PLPP4: variants seen among roughly 807,000 people sequenced by gnomAD.
The protein encoded by PLPP4 is phospholipid phosphatase 4.
Under a neutral mutation model 32.2 loss-of-function variants are expected in PLPP4, and 20 were observed. The observed-to-expected ratio is 0.62, with a 90% CI of 0.44 to 0.90. The LOEUF (loss-of-function observed/expected upper bound fraction) is 0.90, where lower values mean the gene tolerates loss of function less well. Among genes scored for constraint, PLPP4 ranks in the 40% least tolerant of loss-of-function variants. The pLI, the probability that PLPP4 is intolerant of heterozygous loss-of-function variation, is 0.00. For missense variants in PLPP4, 257 were observed against 353.1 expected, an observed-to-expected ratio of 0.73 and a Z score of 2.18; for synonymous variants, 127 against 133.0, an observed-to-expected ratio of 0.95 and a Z score of 0.31.
intron 3 of PLPP4, 108 bp downstream of exon 3, chr10:120,514,109 T>G: frequency 1.1e-6 from 1 of 869,582 alleles, no homozygotes; most frequent in Non-Finnish European, 2.0e-6. Context: ...TTTGGTCAAA[T>G]TAAGCTGGGG....
chr10:120,547,735 ATTGT>A (rs1471537060), intron 5 of PLPP4, among the ~76,000 whole-genome samples: 1 of 152,130 alleles, frequency 6.6e-6, no homozygotes, highest in Non-Finnish European at 1.5e-5. Flanking sequence ...AGGACCTTCA[ATTGT>A]TTGTTCATGA....
intron 5 of PLPP4, among the ~76,000 whole-genome samples, chr10:120,541,353 A>G (rs1209219086): frequency 1.3e-5 from 2 of 152,196 alleles, no homozygotes; most frequent in African/African-American, 4.8e-5. Context: ...GCCATTCCCT[A>G]TGGAACTGTG....
intron 1 of PLPP4, among the ~76,000 whole-genome samples, chr10:120,476,929 G>A (rs939341500): frequency 6.6e-6 from 1 of 152,120 alleles, no homozygotes; most frequent in African/African-American, 2.4e-5. Context: ...AGAGCACTGT[G>A]TTTTTCTGTT....
At chr10:120,512,754 A>G (rs1051800722) in intron 2 of PLPP4, among the ~76,000 whole-genome samples, 1 of 152,196 alleles carries the variant, frequency 6.6e-6, no homozygotes, top group Non-Finnish European at 1.5e-5. Context: ...TGGAGGTTGC[A>G]GTGAGCGGAG....
chr10:120,569,930 T>C lies in PLPP4; in HGVS notation c.446-5201T>C, dbSNP rs113290140. Among the ~76,000 whole-genome samples, 1,251 of 152,302 alleles carry C rather than the reference T, an allele frequency of 8.2e-3. 23 individuals carry two copies. The highest frequency in any genetic ancestry group is 0.029 in the African/African-American group (1,203 of 41,572). On this transcript the variant is annotated intron_variant, in intron 5 of 6. Transcript: ENST00000398250. ...GTTAGCATTGCTCTAACTGCAATAA[T>C]GCTAAGAACATCTGTGATTTTTGCT... is the stretch of plus-strand genomic sequence containing the variant.
chr10:120,489,281 C>A (rs778048960), intron 1 of PLPP4, among the ~76,000 whole-genome samples: 33 of 152,214 alleles, frequency 2.2e-4, no homozygotes, highest in Admixed American at 1.3e-4. Flanking sequence ...ATTGACCACA[C>A]AGATGCTGTG....
chr10:120,567,983 A>T (rs7082698), intron 5 of PLPP4, among the ~76,000 whole-genome samples: 4,652 of 152,276 alleles, frequency 0.031, 200 homozygotes, highest in African/African-American at 0.1. Flanking sequence ...TTGCAAGAAA[A>T]ACTAGAACAT....
chr10:120,570,483 A>C (rs539143178), intron 5 of PLPP4, among the ~76,000 whole-genome samples: 1 of 152,260 alleles, frequency 6.6e-6, no homozygotes, highest in East Asian at 1.9e-4. Flanking sequence ...GAAAAATATA[A>C]TTAGCAAAAG....
chr10:120,569,236 C>A (rs1438487164), intron 5 of PLPP4, among the ~76,000 whole-genome samples: 7 of 127,578 alleles, frequency 5.5e-5, no homozygotes, highest in Non-Finnish European at 1.1e-4. Context: ...GAGACTCCAT[C>A]TCAAAAAAAA....
chr10:120,580,989 C>G, intron 6 of PLPP4: 1 of 1,288,750 alleles, frequency 7.8e-7, no homozygotes. Context: ...CTTGACTGCC[C>G]ATCTAAGTCC....
At chr10:120,575,775 G>A (rs912057468) in intron 6 of PLPP4, among the ~76,000 whole-genome samples, 9 of 152,326 alleles carry the variant, frequency 5.9e-5, no homozygotes, top group African/African-American at 1.2e-4. Flanking sequence ...GCAGCTGCAA[G>A]CCTGGGGTGA....
chr10:120,520,359 C>T (rs889737371), intron 4 of PLPP4, among the ~76,000 whole-genome samples: 5 of 152,286 alleles, frequency 3.3e-5, no homozygotes, highest in East Asian at 1.9e-4. Context: ...TCAGGATATA[C>T]GGACACGAGG....
At chr10:120,487,059 T>C (rs1408823655) in intron 1 of PLPP4, among the ~76,000 whole-genome samples, 2 of 152,246 alleles carry the variant, frequency 1.3e-5, no homozygotes, top group Admixed American at 1.3e-4. Flanking sequence ...GGGCAGATGA[T>C]AGTGGATAAA....
intron 2 of PLPP4, among the ~76,000 whole-genome samples, chr10:120,510,096 G>T (rs1306535190): frequency 6.6e-6 from 1 of 152,210 alleles, no homozygotes. Flanking sequence ...GCTGTGAGAA[G>T]TGAATGAGTT....
chr10:120,588,799 G>A (rs1309474864), intron 6 of PLPP4, among the ~76,000 whole-genome samples: 6 of 152,124 alleles, frequency 3.9e-5, no homozygotes, highest in Non-Finnish European at 5.9e-5. Flanking sequence ...TAATCCCAGC[G>A]CTTTGGGAGG....
chr10:120,556,486 G>A (rs1346460209), intron 5 of PLPP4, among the ~76,000 whole-genome samples: 2 of 152,184 alleles, frequency 1.3e-5, no homozygotes, highest in African/African-American at 4.8e-5. Flanking sequence ...GCCACATGGT[G>A]TGGACAAGAG....
At chr10:120,492,960 G>A (rs1042261249) in intron 1 of PLPP4, among the ~76,000 whole-genome samples, 1 of 152,096 alleles carries the variant, frequency 6.6e-6, no homozygotes, top group Non-Finnish European at 1.5e-5. Context: ...GATACCTGAG[G>A]TTCCTAAACC....
At chr10:120,573,565 A>G (rs917911550) in intron 5 of PLPP4, among the ~76,000 whole-genome samples, 1 of 152,230 alleles carries the variant, frequency 6.6e-6, no homozygotes, top group Non-Finnish European at 1.5e-5. Context: ...TGGTTGCATC[A>G]TAGTCCATTA....
intron 1 of PLPP4, among the ~76,000 whole-genome samples, chr10:120,461,478 T>G (rs1265684878): frequency 6.6e-6 from 1 of 152,196 alleles, no homozygotes; most frequent in African/African-American, 2.4e-5. Flanking sequence ...CCATCTGCCC[T>G]TCTCCCTATC....
Sources: allele counts gnomAD v4.1 joint callset (sites outside exome capture counted in the v4.1 genomes callset), GRCh38; gene constraint gnomAD v4.1.1; transcripts MANE v1.5; gene names NCBI Gene and HGNC (gene_info 2026-07-23, HGNC 2026-07-21).